Variants in KIF14 observed in about 807,000 individuals in gnomAD.
KIF14 encodes the protein kinesin-like protein KIF14.
Under a neutral mutation model 176.2 loss-of-function variants are expected in KIF14, and 98 were observed. That is an observed-to-expected ratio of 0.56 (90% CI 0.47 to 0.66). KIF14 has a LOEUF of 0.66. Among genes scored for constraint, KIF14 ranks in the 30% least tolerant of loss-of-function variants. The pLI is 0.00. For synonymous variants in KIF14, 566 were observed against 632.2 expected (o/e 0.90, Z 1.57); for missense variants, 1,751 against 1,920.4 (o/e 0.91, Z 1.65).
intron 13 of KIF14, 27 bp from the exon 14 acceptor site, chr1:200,598,448 A>G (rs749301903): frequency 7.6e-6 from 12 of 1,569,150 alleles, no homozygotes; most frequent in Non-Finnish European, 1.0e-5. Flanking sequence ...AAAGAAATTA[A>G]TCTTAATCAC....
intron 26 of KIF14, among the ~76,000 whole-genome samples, chr1:200,560,045 G>T (rs896359055): frequency 6.6e-6 from 1 of 151,460 alleles, no homozygotes; most frequent in Non-Finnish European, 1.5e-5. Flanking sequence ...GTGAGCCACC[G>T]CCCCCAGCCA....
rs1656613099 is a variant in KIF14 at position 200,552,918 on chromosome 1, TATTTA to T, written c.*465_*469del. On this transcript the variant is annotated 3_prime_UTR_variant, in exon 30 of 30. Transcript: ENST00000367350. ...ACACTTTAAAGATAAAAATATATTT[TATTTA>T]TTTATTTATTTATTTATTTATTTAT... 7.0e-4 allele frequency: 3 copies of T among 4,264 alleles called. No individual in the cohort carries two copies. The African/African-American group carries it at 7.2e-3, about 10-fold the overall frequency. 0.3% of individuals were successfully genotyped at this position (4,264 alleles called of 1,614,324 possible).
At chr1:200,613,449 G>T (rs1660256304) in intron 4 of KIF14, among the ~76,000 whole-genome samples, 1 of 152,100 alleles carries the variant, frequency 6.6e-6, no homozygotes, top group Non-Finnish European at 1.5e-5. Flanking sequence ...TTCTATTAGA[G>T]CATCTACTTT....
At chr1:200,597,660 C>T (rs2102714974) in intron 14 of KIF14, among the ~76,000 whole-genome samples, 1 of 150,552 alleles carries the variant, frequency 6.6e-6, no homozygotes, top group East Asian at 1.9e-4. Context: ...TGAATATGCA[C>T]ATATTCTACA....
chr1:200,597,597 C>T (rs1659416947), intron 14 of KIF14, among the ~76,000 whole-genome samples: 1 of 152,154 alleles, frequency 6.6e-6, no homozygotes. Flanking sequence ...TTCTCAAGGC[C>T]AATGGGAGTA....
rs754100488 is a variant in KIF14, at chr1:200,580,265, C to T, written c.3454G>A (p.Glu1152Lys). The change falls in exon 21 of 30, where the codon GAA becomes AAA. Residue 1152 changes from glutamate to lysine, a missense_variant. Coordinates refer to ENST00000367350, the MANE Select transcript of KIF14 (RefSeq NM_014875.3). ...ATAATATTCCAAACCTCATAAAGTT[C>T]TTTCATTGCTGCAAGTTTAGATTCA... is the stretch of plus-strand genomic sequence containing the variant. ...KFESKLAAMK[E>K]LYESNGSNRG... 9 of 1,426,520 alleles carry T rather than the reference C, an allele frequency of 6.3e-6. No homozygotes were observed. The South Asian group carries it at 1.3e-4, about 21-fold the overall frequency. The allele number at this position is 1,426,520 out of a possible 1,614,324, so 88.4% of individuals were successfully genotyped here. A position where few individuals can be genotyped will look rare whatever the true frequency, so the allele number is the denominator to read the frequency against.
rs1341412376 is a variant in KIF14 at position 200,590,315 on chromosome 1, C to A, written c.2814-43G>T. On this transcript the variant is annotated intron_variant, in intron 16 of 29. Coordinates refer to ENST00000367350, the MANE Select transcript of KIF14 (RefSeq NM_014875.3). ...GTTTATAGGGTACATGTTAAGAATTCTTTATACATCATAATAGTTCTTAAT... is the reference window on the plus strand; with the variant it reads ...GTTTATAGGGTACATGTTAAGAATTATTTATACATCATAATAGTTCTTAAT... The A allele has an allele frequency of 2.6e-6, 4 of 1,534,428 alleles. 1 individual carries two copies.
At chr1:200,596,733 T>G (rs1413715617) in intron 14 of KIF14, among the ~76,000 whole-genome samples, 1 of 151,230 alleles carries the variant, frequency 6.6e-6, no homozygotes, top group Admixed American at 6.6e-5. Context: ...CCGGGCTAAT[T>G]TTTGTATTTT....
At chr1:200,560,999 G>C (rs1037954360) in intron 25 of KIF14, 119 bp from the exon 26 acceptor site, 1 of 845,254 alleles carries the variant, frequency 1.2e-6, no homozygotes, top group African/African-American at 1.7e-5. Flanking sequence ...GGGAGGCCGA[G>C]GCGGGTGGAT....
chr1:200,607,655 G>A (rs185000267), intron 5 of KIF14, among the ~76,000 whole-genome samples: 46 of 152,248 alleles, frequency 3.0e-4, no homozygotes, highest in Admixed American at 1.6e-3. Context: ...GTTTCTTGAT[G>A]TTGCCAATAG....
Position 200,598,326 on chromosome 1 carries a change from T to C in KIF14, c.2460A>G (p.Ile820Met). 1.2e-6 allele frequency: 2 copies of C among 1,613,512 alleles called. No homozygotes were observed. Among genetic ancestry groups the C allele is most frequent in the Non-Finnish European group, 1.7e-6 (2 of 1,179,716 alleles). ...PQLSEMLLYMIKEGTTTVGKY... is the reference protein window; with the variant it reads ...PQLSEMLLYMMKEGTTTVGKY... ...TTCCAACTGTAGTTGTTCCTTCTTT[T>C]ATCATATATAGCAGCATCTCAGATA... The change falls in exon 14 of 30, where the codon ATA (isoleucine) becomes ATG (methionine). Residue 820 changes from isoleucine (I) to methionine (M), a missense_variant. Physicochemically the swap from Ile to Met is conservative, Grantham distance 10. Coordinates refer to ENST00000367350, the MANE Select transcript of KIF14 (RefSeq NM_014875.3).
chr1:200,612,474 A>C (rs1660202977), intron 4 of KIF14, among the ~76,000 whole-genome samples: 1 of 152,122 alleles, frequency 6.6e-6, no homozygotes, highest in Admixed American at 6.6e-5. Flanking sequence ...AAATCTGGAG[A>C]GCCAATAGAG....
At chr1:200,593,802 A>G (rs532938950) in intron 14 of KIF14, 33 bp from the exon 15 acceptor site, 3 of 1,290,098 alleles carry the variant, frequency 2.3e-6, no homozygotes, top group Non-Finnish European at 3.4e-6. Context: ...GTTAACAATT[A>G]TAGAACACAC....
chr1:200,606,769 T>G lies in KIF14; in HGVS notation c.1584A>C (p.Gly528=), dbSNP rs1415538944. The change falls in exon 6 of 30, where the codon GGA becomes GGC. Residue 528 remains glycine, a synonymous_variant. Coordinates refer to ENST00000367350, the MANE Select transcript of KIF14 (RefSeq NM_014875.3). Reference sequence around the variant, plus strand: ...ACATTGACAGTGCTTCAACATATGGTCCATAAACAGGATGTTCCCTCACTC... The same window carrying G: ...ACATTGACAGTGCTTCAACATATGGGCCATAAACAGGATGTTCCCTCACTC... ...PLRVREHPVY[G]PYVEALSMNI... 3 of 1,613,594 alleles carry G rather than the reference T, an allele frequency of 1.9e-6. No homozygotes were observed. The South Asian group carries it at 3.3e-5, about 18-fold the overall frequency.
chr1:200,580,942 C>G (rs1006023674), intron 20 of KIF14, among the ~76,000 whole-genome samples: 1 of 151,838 alleles, frequency 6.6e-6, no homozygotes, highest in African/African-American at 2.4e-5. Context: ...AACCCCATCT[C>G]TAACTAAAAA....
At chr1:200,604,656 G>A (rs937831486) in intron 8 of KIF14, among the ~76,000 whole-genome samples, 3 of 151,492 alleles carry the variant, frequency 2.0e-5, no homozygotes, top group African/African-American at 7.3e-5. Flanking sequence ...AATAGTTAAT[G>A]GAATATTATA....
intron 23 of KIF14, among the ~76,000 whole-genome samples, chr1:200,566,716 C>T (rs1383632586): frequency 1.3e-5 from 2 of 152,010 alleles, no homozygotes; most frequent in Admixed American, 1.3e-4. Context: ...AATCCCTTGG[C>T]CTCAGCGTCC....
At chr1:200,615,650 G>T in intron 2 of KIF14, 41 bp from the exon 3 acceptor site, 1 of 1,532,282 alleles carries the variant, frequency 6.5e-7, no homozygotes, top group South Asian at 1.2e-5. Context: ...TAACTAAAAT[G>T]ATCAAGGGTA....
intron 14 of KIF14, among the ~76,000 whole-genome samples, chr1:200,595,603 T>C (rs1659288192): frequency 1.3e-5 from 2 of 152,038 alleles, no homozygotes; most frequent in Non-Finnish European, 2.9e-5. Context: ...AAATAATTAA[T>C]TAATAAAAGA....
Sources: gnomAD v4.1 joint callset for allele counts (sites outside exome capture counted in the v4.1 genomes callset) on GRCh38, gnomAD v4.1.1 for gene constraint, MANE v1.5 for transcripts, NCBI Gene and HGNC (gene_info 2026-07-23, HGNC 2026-07-21) for gene names.